SERGEF: variants seen among roughly 807,000 people sequenced by gnomAD.
SERGEF encodes secretion-regulating guanine nucleotide exchange factor.
Under a neutral mutation model 50.0 loss-of-function variants are expected in SERGEF, and 51 were observed. The observed-to-expected ratio is 1.02, with a 90% CI of 0.81 to 1.29. The LOEUF (loss-of-function observed/expected upper bound fraction) is 1.29, where lower values mean the gene tolerates loss of function less well. SERGEF is among the 50% of genes most tolerant of loss of function. SERGEF has a pLI of 0.00. For synonymous variants in SERGEF, 205 were observed against 212.4 expected (o/e 0.97, Z 0.30); for missense variants, 521 against 557.0 (o/e 0.94, Z 0.65).
chr11:17,915,635 C>T (rs1852035108), intron 9 of SERGEF, among the ~76,000 whole-genome samples: 1 of 152,222 alleles, frequency 6.6e-6, no homozygotes, highest in South Asian at 2.1e-4. Context: ...TCTTTGATCT[C>T]ATAACAGTCT....
chr11:17,904,575 T>C (rs1851805137), intron 9 of SERGEF, among the ~76,000 whole-genome samples: 1 of 152,250 alleles, frequency 6.6e-6, no homozygotes, highest in Non-Finnish European at 1.5e-5. Flanking sequence ...TAGGTGACTC[T>C]AGTGACAAGT....
At chr11:17,909,785 T>C (rs1320222088) in intron 9 of SERGEF, among the ~76,000 whole-genome samples, 2 of 148,228 alleles carry the variant, frequency 1.3e-5, no homozygotes, top group Admixed American at 1.3e-4. Context: ...ATCTTAGACA[T>C]TAAAATGTCA....
intron 10 of SERGEF, among the ~76,000 whole-genome samples, chr11:17,863,159 C>G (rs887289803): frequency 6.6e-6 from 1 of 152,140 alleles, no homozygotes; most frequent in East Asian, 1.9e-4. Flanking sequence ...TACTTTCTAC[C>G]CTGCATGGTG....
chr11:17,874,801 T>C (rs1851211675), intron 10 of SERGEF, among the ~76,000 whole-genome samples: 1 of 152,154 alleles, frequency 6.6e-6, no homozygotes, highest in African/African-American at 2.4e-5. Context: ...AAATCCATCC[T>C]GCAGCTATGC....
intron 9 of SERGEF, among the ~76,000 whole-genome samples, chr11:17,939,125 A>G (rs941117061): frequency 4.6e-5 from 7 of 152,206 alleles, no homozygotes; most frequent in Admixed American, 6.5e-5. Context: ...ACCATTCCAC[A>G]TTTTCATATT....
chr11:17,882,635 T>G (rs150005221), intron 9 of SERGEF, among the ~76,000 whole-genome samples: 1 of 152,214 alleles, frequency 6.6e-6, no homozygotes, highest in East Asian at 1.9e-4. Context: ...CTCAGTAGTC[T>G]TTCTGCACAC....
At chr11:17,877,190 G>T (rs1565192421) in intron 10 of SERGEF, among the ~76,000 whole-genome samples, 1 of 152,250 alleles carries the variant, frequency 6.6e-6, no homozygotes, top group South Asian at 2.1e-4. Flanking sequence ...TTCAAAGTTA[G>T]AAGCTAGGAG....
At chr11:17,834,105 A>G (rs1850361271) in intron 10 of SERGEF, among the ~76,000 whole-genome samples, 1 of 152,180 alleles carries the variant, frequency 6.6e-6, no homozygotes, top group Non-Finnish European at 1.5e-5. Context: ...CTCATCTTGA[A>G]TTCCCACGTG....
intron 10 of SERGEF, among the ~76,000 whole-genome samples, chr11:17,829,003 A>T (rs981267395): frequency 2.0e-4 from 31 of 152,216 alleles, no homozygotes; most frequent in African/African-American, 7.2e-4. Context: ...AACTCCCAAG[A>T]AGATACATTT....
intron 9 of SERGEF, among the ~76,000 whole-genome samples, chr11:17,948,201 G>A (rs954811506): frequency 5.9e-5 from 9 of 152,060 alleles, no homozygotes; most frequent in Admixed American, 1.3e-4. Flanking sequence ...ATTCGTTTCC[G>A]AAAAACCAAT....
In SERGEF at chr11:17,939,530, G is replaced by A. The variant is rs186629457; in HGVS notation, c.1011+19940C>T. ...ATGAGTCTTCTCAGCTGGGAAGACT[G>A]CTAAGAATGGTGAATTAATTTGGGC... On this transcript the variant is annotated intron_variant, in intron 9 of 10. Coordinates refer to ENST00000265965, the MANE Select transcript of SERGEF (RefSeq NM_012139.4). 103 of 152,296 alleles carry A rather than the reference G, an allele frequency of 6.8e-4. 2 individuals carry two copies. The highest frequency in any genetic ancestry group is 5.5e-3 in the Admixed American group (84 of 15,292). 9.4% of individuals were successfully genotyped at this position (152,296 alleles called of 1,614,324 possible).
At chr11:17,861,642 G>A (rs187161765) in intron 10 of SERGEF, among the ~76,000 whole-genome samples, 2 of 152,390 alleles carry the variant, frequency 1.3e-5, no homozygotes, top group Non-Finnish European at 2.9e-5. Flanking sequence ...ACACATGCAT[G>A]CGTGCCGCAA....
chr11:18,009,783 T>G (rs2134016426), intron 1 of SERGEF, among the ~76,000 whole-genome samples: 1 of 152,336 alleles, frequency 6.6e-6, no homozygotes, highest in East Asian at 1.9e-4. Context: ...TACAGTCAGA[T>G]GTATTTCAGA....
At chr11:17,840,527 G>A (rs1489472915) in intron 10 of SERGEF, among the ~76,000 whole-genome samples, 1 of 152,108 alleles carries the variant, frequency 6.6e-6, no homozygotes, top group East Asian at 1.9e-4. Flanking sequence ...TGGACACAAA[G>A]AGTTGCTTTC....
At chr11:17,899,543 C>G (rs1346603215) in intron 9 of SERGEF, among the ~76,000 whole-genome samples, 2 of 152,200 alleles carry the variant, frequency 1.3e-5, no homozygotes, top group Non-Finnish European at 2.9e-5. Flanking sequence ...TACCATACCT[C>G]TTCTGTGAAA....
chr11:17,957,817 TAA>T (rs1852907451), intron 9 of SERGEF, among the ~76,000 whole-genome samples: 1 of 151,726 alleles, frequency 6.6e-6, no homozygotes, highest in Non-Finnish European at 1.5e-5. Context: ...TCTAATCATG[TAA>T]TGTTTACTGC....
intron 9 of SERGEF, among the ~76,000 whole-genome samples, chr11:17,907,872 G>A (rs1851879742): frequency 6.6e-6 from 1 of 152,186 alleles, no homozygotes. Flanking sequence ...ACTGCTTGTA[G>A]GAGACAGCAA....
chr11:17,885,189 C>A (rs1264831682), intron 9 of SERGEF, among the ~76,000 whole-genome samples: 3 of 152,198 alleles, frequency 2.0e-5, no homozygotes, highest in Non-Finnish European at 4.4e-5. Context: ...TCCTGTTAAT[C>A]CTGCCTTCTC....
intron 9 of SERGEF, among the ~76,000 whole-genome samples, chr11:17,903,126 T>C (rs1326194492): frequency 6.6e-6 from 1 of 152,334 alleles, no homozygotes; most frequent in Non-Finnish European, 1.5e-5. Flanking sequence ...ACAATAACAG[T>C]ATCTCATGTG....
Sources: allele counts gnomAD v4.1 joint callset (sites outside exome capture counted in the v4.1 genomes callset), GRCh38; gene constraint gnomAD v4.1.1; transcripts MANE v1.5; gene names NCBI Gene and HGNC (gene_info 2026-07-23, HGNC 2026-07-21).